Variants in FSTL5 observed in about 807,000 individuals in gnomAD.
The protein encoded by FSTL5 is follistatin like 5, also known as follistatin-related protein 5.
In FSTL5, 62 loss-of-function variants were observed where a neutral mutation model predicts 89.1. The observed-to-expected ratio is 0.70, with a 90% CI of 0.57 to 0.86. The LOEUF (loss-of-function observed/expected upper bound fraction) is 0.86, where lower values mean the gene tolerates loss of function less well. Ranked by LOEUF, FSTL5 falls within the 40% of genes least tolerant of loss-of-function variation. The pLI is 0.00. For missense variants in FSTL5, 1,057 were observed against 1,001.6 expected (o/e 1.06, Z -0.75); for synonymous variants, 383 against 346.2 (o/e 1.11, Z -1.18).
intron 2 of FSTL5, among the ~76,000 whole-genome samples, chr4:162,047,084 A>AC (rs1170265834): frequency 2.0e-5 from 3 of 152,126 alleles, no homozygotes; most frequent in Admixed American, 1.3e-4. Flanking sequence ...ATTTCCAGAT[A>AC]CCCCCAGGTA....
chr4:161,842,559 T>C (rs1010019476), intron 4 of FSTL5, among the ~76,000 whole-genome samples: 1 of 152,124 alleles, frequency 6.6e-6, no homozygotes, highest in African/African-American at 2.4e-5. Flanking sequence ...TTAATGTCAC[T>C]AAATTGAATG....
intron 1 of FSTL5, among the ~76,000 whole-genome samples, chr4:162,123,735 T>C (rs17041992): frequency 0.21 from 31,668 of 151,986 alleles, 3,520 homozygotes; most frequent in African/African-American, 0.22. Context: ...GAGCAAATAA[T>C]ACTGCAGAAA....
At chr4:161,513,034 G>A (rs1443770852) in intron 10 of FSTL5, among the ~76,000 whole-genome samples, 1 of 151,930 alleles carries the variant, frequency 6.6e-6, no homozygotes, top group African/African-American at 2.4e-5. Flanking sequence ...CTGTAAATCT[G>A]TTCCAATAAG....
intron 6 of FSTL5, among the ~76,000 whole-genome samples, chr4:161,741,272 T>G (rs549765871): frequency 6.6e-6 from 1 of 152,262 alleles, no homozygotes; most frequent in African/African-American, 2.4e-5. Flanking sequence ...GATGGAGAGA[T>G]TATTCTGGAC....
chr4:161,421,076 T>C (rs1487395936), intron 15 of FSTL5, among the ~76,000 whole-genome samples: 2 of 152,226 alleles, frequency 1.3e-5, no homozygotes, highest in Non-Finnish European at 2.9e-5. Context: ...GCACTGTGGC[T>C]CATGCCTGTA....
At chr4:161,430,831 G>A (rs908799018) in intron 15 of FSTL5, among the ~76,000 whole-genome samples, 17 of 152,074 alleles carry the variant, frequency 1.1e-4, no homozygotes, top group African/African-American at 3.6e-4. Flanking sequence ...AACAAATAAT[G>A]TATAATGGAG....
intron 2 of FSTL5, among the ~76,000 whole-genome samples, chr4:162,058,284 T>C (rs1443903722): frequency 6.6e-6 from 1 of 152,052 alleles, no homozygotes; most frequent in Non-Finnish European, 1.5e-5. Flanking sequence ...ATAGAAGGTT[T>C]CAACTGGAAA....
At chr4:161,709,433 A>T (rs1738699223) in intron 6 of FSTL5, among the ~76,000 whole-genome samples, 1 of 152,142 alleles carries the variant, frequency 6.6e-6, no homozygotes, top group Admixed American at 6.6e-5. Flanking sequence ...CATTCAGAAG[A>T]GGTAAAAAAT....
intron 3 of FSTL5, among the ~76,000 whole-genome samples, chr4:161,967,155 A>C (rs1050672445): frequency 4.6e-5 from 7 of 152,030 alleles, no homozygotes; most frequent in African/African-American, 1.7e-4. Context: ...AAAAATTTTA[A>C]TTTTAGTTTA....
intron 1 of FSTL5, among the ~76,000 whole-genome samples, chr4:162,123,341 A>C (rs1731942062): frequency 6.6e-6 from 1 of 152,202 alleles, no homozygotes; most frequent in African/African-American, 2.4e-5. Flanking sequence ...AATACTGTGG[A>C]GAGTCTGAGA....
chr4:162,014,881 A>G (rs115564564), intron 3 of FSTL5, among the ~76,000 whole-genome samples: 1,841 of 152,322 alleles, frequency 0.012, 39 homozygotes, highest in African/African-American at 0.042. Context: ...GAAGAAGGAA[A>G]GCAAGAAAAT....
At chr4:161,908,757 C>T (rs1733608414) in intron 4 of FSTL5, among the ~76,000 whole-genome samples, 1 of 152,094 alleles carries the variant, frequency 6.6e-6, no homozygotes, top group South Asian at 2.1e-4. Flanking sequence ...AAAGCAGTTT[C>T]ATTTGCCAAA....
rs1280077311 is a variant in FSTL5 at position 161,475,029 on chromosome 4, T to TC, written c.1608+5990_1608+5991insG. Among the ~76,000 whole-genome samples, 5 of 145,302 alleles carry TC rather than the reference T, an allele frequency of 3.4e-5. No individual in the cohort carries two copies. The East Asian group carries it at 9.9e-4, about 29-fold the overall frequency. On this transcript the variant is annotated intron_variant, in intron 13 of 15. Coordinates refer to ENST00000306100, the MANE Select transcript of FSTL5 (RefSeq NM_020116.5). ...TGGGATATAGGATCCTTGATTGGCT[T>TC]TTTTTTTTTTTTTTGTCTTGTAGTA...
chr4:162,147,266 T>G (rs1026318384), intron 1 of FSTL5, among the ~76,000 whole-genome samples: 7 of 152,110 alleles, frequency 4.6e-5, no homozygotes, highest in Admixed American at 1.3e-4. Flanking sequence ...GGAAATTAGT[T>G]TCTTAGTTTC....
At chr4:161,814,635 G>A (rs1273847864) in intron 4 of FSTL5, among the ~76,000 whole-genome samples, 2 of 151,990 alleles carry the variant, frequency 1.3e-5, no homozygotes, top group Non-Finnish European at 2.9e-5. Context: ...GGTACATATG[G>A]CATTGGTTTT....
At position 161,385,933 on chromosome 4, in the gene FSTL5, G is replaced by T; in HGVS notation, c.2358C>A (p.Leu786=). 1 of 1,613,922 alleles carries T rather than the reference G, an allele frequency of 6.2e-7. No homozygotes were observed. Among genetic ancestry groups the T allele is most frequent in the Non-Finnish European group, 8.5e-7 (1 of 1,179,940 alleles). The change falls in exon 16 of 16, where the codon CTC becomes CTA. Residue 786 remains leucine (L), a synonymous_variant. Transcript: ENST00000306100. ...VKMIKSLKEP[L]KAEEWPWNRK... Reference sequence around the variant, plus strand: ...GGTTCCAAGGCCATTCTTCTGCCTTGAGTGGTTCCTTGAGACTCTTTATCA... The same window carrying T: ...GGTTCCAAGGCCATTCTTCTGCCTTTAGTGGTTCCTTGAGACTCTTTATCA...
chr4:162,015,993 A>AAAGG (rs1255973886), intron 3 of FSTL5, among the ~76,000 whole-genome samples: 1 of 152,142 alleles, frequency 6.6e-6, no homozygotes, highest in African/African-American at 2.4e-5. Context: ...ACTCTCTGAG[A>AAAGG]AAGGAGGGAA....
intron 1 of FSTL5, among the ~76,000 whole-genome samples, chr4:162,162,022 C>A (rs1561053255): frequency 1.3e-5 from 2 of 152,010 alleles, no homozygotes; most frequent in African/African-American, 2.4e-5. Context: ...AATTTAAGAT[C>A]ACATGACTGA....
At chr4:161,839,830 A>G (rs76295804) in intron 4 of FSTL5, among the ~76,000 whole-genome samples, 11,791 of 152,194 alleles carry the variant, frequency 0.077, 523 homozygotes, top group African/African-American at 0.12. Flanking sequence ...AGGACTAAAC[A>G]CTTAAATCTA....
Sources: allele counts gnomAD v4.1 joint callset (sites outside exome capture counted in the v4.1 genomes callset), GRCh38; gene constraint gnomAD v4.1.1; transcripts MANE v1.5; gene names NCBI Gene and HGNC (gene_info 2026-07-23, HGNC 2026-07-21).